Variants in CENPM observed in about 807,000 individuals in gnomAD.
The protein encoded by CENPM is interphase centromere complex protein 39.
In CENPM, 14 loss-of-function variants were observed where a neutral mutation model predicts 19.6. The ratio of observed to expected loss-of-function variants is 0.71; its 90% confidence interval spans 0.47 to 1.11. CENPM has a LOEUF of 1.11. Ranked by LOEUF, CENPM falls within the 50% of genes most tolerant of loss-of-function variation. CENPM has a pLI of 0.00. For synonymous variants in CENPM, 114 were observed against 101.5 expected, an observed-to-expected ratio of 1.12 and a Z score of -0.74; for missense variants, 239 against 228.4, an observed-to-expected ratio of 1.05 and a Z score of -0.30.
chr22:41,927,271 G>A, the CENPM span, among the ~76,000 whole-genome samples: 8 of 152,076 alleles, frequency 5.3e-5, no homozygotes, highest in Non-Finnish European at 8.8e-5. Context: ...AACCAGCACC[G>A]CCTGGGTGGG....
intron 1 of CENPM, 38 bp from the exon 2 acceptor site, chr22:41,946,534 C>T: frequency 1.3e-6 from 2 of 1,570,684 alleles, no homozygotes; most frequent in Non-Finnish European, 8.7e-7. Flanking sequence ...GAGCCCTAGG[C>T]ACAGCACCCC....
At chr22:41,946,363 A>C in intron 2 of CENPM, 54 bp downstream of exon 2, 3 of 1,479,056 alleles carry the variant, frequency 2.0e-6, no homozygotes, top group South Asian at 2.3e-5. Context: ...GCTAGGACCG[A>C]ATCCCTCTGG....
At position 41,942,766 on chromosome 22, in the gene CENPM, G is replaced by GTAAA. The variant is rs1229439430; in HGVS notation, c.402+840_402+843dup. ...ACTCCATCTCAAAAAAAAAAAAAAA[G>GTAAA]TAAATAAATAAATAAATACTTAGCT... On this transcript the variant is annotated intron_variant, in intron 5 of 5. Transcript: ENST00000215980. Among the ~76,000 whole-genome samples the GTAAA allele has an allele frequency of 3.2e-3, 447 of 139,878 alleles. 6 individuals carry two copies. The highest frequency in any genetic ancestry group is 0.012 in the African/African-American group (423 of 36,486). 91.8% of individuals were successfully genotyped at this position (139,878 alleles called of 152,430 possible).
At chr22:41,943,817 G>A (rs943633422) in intron 4 of CENPM, 116 bp from the exon 5 acceptor site, 20 of 849,036 alleles carry the variant, frequency 2.4e-5, no homozygotes, top group Admixed American at 7.7e-5. Flanking sequence ...CTTTCTAGTC[G>A]CGAGGGTGAC....
At chr22:41,946,931 T>G in intron 1 of CENPM, 89 bp downstream of exon 1, 1 of 1,371,680 alleles carries the variant, frequency 7.3e-7, no homozygotes, top group Non-Finnish European at 1.0e-6. Flanking sequence ...CGCGCTGGCT[T>G]GGCGCCTCAG....
At chr22:41,943,781 C>G in intron 4 of CENPM, 80 bp from the exon 5 acceptor site, 1 of 1,245,106 alleles carries the variant, frequency 8.0e-7, no homozygotes, top group Non-Finnish European at 1.1e-6. Flanking sequence ...CAGAGTCACT[C>G]ACTTCCCCAC....
chr22:41,931,041 G>A, the CENPM span, among the ~76,000 whole-genome samples: 12 of 151,110 alleles, frequency 7.9e-5, no homozygotes, highest in Non-Finnish European at 3.0e-5. Flanking sequence ...TCACCATGTT[G>A]GCCAGGCTGG....
chr22:41,944,874 G>A, intron 4 of CENPM: 1 of 1,095,508 alleles, frequency 9.1e-7, no homozygotes, highest in East Asian at 6.9e-5. Flanking sequence ...TTCACTCTTA[G>A]AAAGGCTGAC....
chr22:41,930,500 C>A, the CENPM span, among the ~76,000 whole-genome samples: 1 of 151,970 alleles, frequency 6.6e-6, no homozygotes, highest in East Asian at 1.9e-4. Flanking sequence ...ACACGCCTGG[C>A]CTAATTTCTT....
chr22:41,939,216 C>CA lies in CENPM; in HGVS notation c.403-21dup. Reference sequence around the variant, plus strand: ...TTCCACCTGCGGGGAGAGCAGAGAACAGCAGTGAGATAGAATGCTGGCCCT... The same window carrying CA: ...TTCCACCTGCGGGGAGAGCAGAGAACAAGCAGTGAGATAGAATGCTGGCCCT... On this transcript the variant is annotated intron_variant, in intron 5 of 5. Coordinates refer to ENST00000215980, the MANE Select transcript of CENPM (RefSeq NM_024053.5). 1.9e-6 allele frequency: 3 copies of CA among 1,600,622 alleles called. No homozygotes were observed. The highest frequency in any genetic ancestry group is 2.6e-6 in the Non-Finnish European group (3 of 1,173,590).
At chr22:41,928,273 A>G in the CENPM span, 1 of 213,588 alleles carries the variant, frequency 4.7e-6, no homozygotes. This position sits in a 1 kb window ranked among gnomAD's most constrained non-coding sequence, Gnocchi z 4.0. Flanking sequence ...TCTGTGTCTC[A>G]CTGCGGGCCC....
At chr22:41,941,138 C>T (rs6002549) in intron 5 of CENPM, among the ~76,000 whole-genome samples, 6 of 152,324 alleles carry the variant, frequency 3.9e-5, no homozygotes, top group African/African-American at 1.4e-4. Flanking sequence ...ACCAGCAGAC[C>T]TAGGCAATTA....
At chr22:41,946,594 G>A (rs1464145494) in intron 1 of CENPM, 98 bp from the exon 2 acceptor site, 2 of 959,258 alleles carry the variant, frequency 2.1e-6, no homozygotes, top group Admixed American at 2.4e-5. Context: ...TCGGGACACC[G>A]CCAGCAGGCG....
At chr22:41,934,750 G>A (rs543185880), downstream of CENPM, among the ~76,000 whole-genome samples, 6 of 152,290 alleles carry the variant, frequency 3.9e-5, no homozygotes, top group Admixed American at 3.3e-4. Context: ...CTGGCGCCAC[G>A]CTACAGCTGA....
downstream of CENPM, among the ~76,000 whole-genome samples, chr22:41,937,817 G>A (rs1395975165): frequency 2.6e-5 from 4 of 152,200 alleles, no homozygotes; most frequent in South Asian, 2.1e-4. Context: ...CTGGCATAAC[G>A]AGTCCAAGCT....
Position 41,947,143 on chromosome 22 carries a change from C to T in CENPM, c.-67G>A. The T allele has an allele frequency of 6.5e-7, 1 of 1,529,826 alleles. No homozygotes were observed. Among genetic ancestry groups the T allele is most frequent in the Non-Finnish European group, 9.0e-7 (1 of 1,112,814 alleles). 94.8% of individuals were successfully genotyped at this position (1,529,826 alleles called of 1,614,324 possible). A position where few individuals can be genotyped will look rare whatever the true frequency, so the allele number is the denominator to read the frequency against. ...ATCTTTCAAACCGCCCTGAGTCCAG[C>T]CCCTAGAGCGCGGCCTGGGGGCACG... On this transcript the variant is annotated 5_prime_UTR_variant, in exon 1 of 6. Coordinates refer to ENST00000215980, the MANE Select transcript of CENPM (RefSeq NM_024053.5).
At chr22:41,931,083 G>A in the CENPM span, among the ~76,000 whole-genome samples, 8 of 145,648 alleles carry the variant, frequency 5.5e-5, no homozygotes, top group Admixed American at 1.4e-4. Context: ...CGACCTGCGC[G>A]CCTCGGCCTC....
At position 41,945,316 on chromosome 22, in the gene CENPM, A is replaced by C; in HGVS notation, c.231-12T>G. Reference sequence around the variant, plus strand: ...CTGTGTTCTGGAGACTGGGGTGGCCAGGCCAGGGTGAGAAAACAAACCAGA... The same window carrying C: ...CTGTGTTCTGGAGACTGGGGTGGCCCGGCCAGGGTGAGAAAACAAACCAGA... On this transcript the variant is annotated splice_polypyrimidine_tract_variant and intron_variant, in intron 3 of 5. Coordinates refer to ENST00000215980, the MANE Select transcript of CENPM (RefSeq NM_024053.5). The C allele has an allele frequency of 6.2e-7, 1 of 1,613,998 alleles. No homozygotes were observed. The highest frequency in any genetic ancestry group is 8.5e-7 in the Non-Finnish European group (1 of 1,179,964).
chr22:41,940,024 G>C, intron 5 of CENPM: 1 of 646,326 alleles, frequency 1.5e-6, no homozygotes, highest in Non-Finnish European at 2.9e-6. Flanking sequence ...CTGGCCCCAA[G>C]CCCTCCAGCA....
Sources: gnomAD v4.1 joint callset for allele counts (sites outside exome capture counted in the v4.1 genomes callset) on GRCh38, gnomAD v4.1.1 for gene constraint, Gnocchi (gnomAD v3.1) non-coding constraint, MANE v1.5 for transcripts, NCBI Gene and HGNC (gene_info 2026-07-23, HGNC 2026-07-21) for gene names.